VTI1A: variants seen among roughly 807,000 people sequenced by gnomAD.
VTI1A encodes the protein vesicle transport through interaction with t-SNAREs 1A.
Under a neutral mutation model 34.9 loss-of-function variants are expected in VTI1A, and 22 were observed. The ratio of observed to expected loss-of-function variants is 0.63; its 90% CI spans 0.45 to 0.90. VTI1A has a LOEUF of 0.90. VTI1A is among the 40% of genes least tolerant of loss of function. VTI1A has a pLI of 0.00. For missense variants in VTI1A, 268 were observed against 275.6 expected (o/e 0.97, Z 0.20); for synonymous variants, 87 against 97.3 (o/e 0.89, Z 0.62).
intron 4 of VTI1A, chr10:112,533,647 A>T (rs972940130): frequency 7.9e-6 from 6 of 756,582 alleles, no homozygotes; most frequent in Admixed American, 6.2e-5. Flanking sequence ...TTGTTTTTCC[A>T]GGTAAATCTA....
chr10:112,538,208 G>A lies in VTI1A; in HGVS notation c.343-38G>A, dbSNP rs201481818. On this transcript the variant is annotated intron_variant, in intron 4 of 7. Transcript: ENST00000393077. Reference sequence around the variant, plus strand: ...AGGCAAAAAAAAGAACATTGTAGACGGCCGTCTGATTTTTTTTTCCCCCTT... The same window carrying A: ...AGGCAAAAAAAAGAACATTGTAGACAGCCGTCTGATTTTTTTTTCCCCCTT... The A allele has an allele frequency of 4.3e-5, 68 of 1,575,022 alleles. No individual in the cohort carries two copies. The East Asian group carries it at 5.0e-4, about 11-fold the overall frequency.
chr10:112,684,009 C>T (rs964109349), intron 7 of VTI1A, among the ~76,000 whole-genome samples: 1 of 150,922 alleles, frequency 6.6e-6, no homozygotes, highest in Admixed American at 6.6e-5. Context: ...TGCCACTGCA[C>T]GCCAGCCTGA....
chr10:112,737,995 A>C, intron 7 of VTI1A: 2 of 603,436 alleles, frequency 3.3e-6, no homozygotes, highest in Non-Finnish European at 4.2e-6. Context: ...TCCAGAGATC[A>C]AGATGAGTGT....
chr10:112,687,793 A>C (rs1005830787), intron 7 of VTI1A, among the ~76,000 whole-genome samples: 35 of 152,044 alleles, frequency 2.3e-4, no homozygotes, highest in African/African-American at 8.2e-4. Flanking sequence ...GGCTGATTTC[A>C]TCAGCATGAC....
intron 7 of VTI1A, among the ~76,000 whole-genome samples, chr10:112,807,325 GC>G (rs1853122160): frequency 1.3e-5 from 2 of 152,194 alleles, no homozygotes; most frequent in Admixed American, 6.5e-5. Context: ...TCTCATAGTT[GC>G]GAAGACTAGA....
rs534418182 is a variant in VTI1A, at chr10:112,818,041, G to A, written c.*2658G>A. Reference sequence around the variant, plus strand: ...GTTTTAAATGATCCGTGTTGAAGGCGAATGCCTGCAAATGCAGTGGGTCTG... The same window carrying A: ...GTTTTAAATGATCCGTGTTGAAGGCAAATGCCTGCAAATGCAGTGGGTCTG... On this transcript the variant is annotated 3_prime_UTR_variant, in exon 8 of 8. Transcript: ENST00000393077. The A allele has an allele frequency of 4.7e-5, 11 of 233,256 alleles. No homozygotes were observed. Among genetic ancestry groups the A allele is most frequent in the East Asian group, 4.2e-4 (7 of 16,556 alleles). 14.4% of individuals were successfully genotyped at this position (233,256 alleles called of 1,614,324 possible).
chr10:112,598,853 A>T (rs1034784846), intron 5 of VTI1A, among the ~76,000 whole-genome samples: 1 of 152,188 alleles, frequency 6.6e-6, no homozygotes, highest in Non-Finnish European at 1.5e-5. Context: ...CTATGCATTC[A>T]TATGTGAATT....
chr10:112,618,524 T>TATAG lies in VTI1A; in HGVS notation c.428-49693_428-49692insTAGA, dbSNP rs748276058. ...ATATATATATATATATATATATATA[T>TATAG]AGAGAGAGAGAGAGAGAGAGAGAGT... On this transcript the variant is annotated intron_variant, in intron 5 of 7. Coordinates refer to ENST00000393077, the MANE Select transcript of VTI1A (RefSeq NM_145206.4). Among the ~76,000 whole-genome samples, 17 of 34,586 alleles carry TATAG rather than the reference T, an allele frequency of 4.9e-4. 1 individual carries two copies. The East Asian group carries it at 8.5e-3, about 17-fold the overall frequency. 22.7% of individuals were successfully genotyped at this position (34,586 alleles called of 152,430 possible). A position where few individuals can be genotyped will look rare whatever the true frequency, so the allele number is the denominator to read the frequency against.
chr10:112,819,233 AGG>A (rs1853606121), downstream of VTI1A, among the ~76,000 whole-genome samples: 1 of 152,120 alleles, frequency 6.6e-6, no homozygotes, highest in Non-Finnish European at 1.5e-5. Flanking sequence ...AGAATTAACT[AGG>A]AGTGATGATT....
intron 3 of VTI1A, among the ~76,000 whole-genome samples, chr10:112,471,367 A>ATTTTTTTTTT (rs576549183): frequency 1.1e-3 from 105 of 94,296 alleles, no homozygotes; most frequent in Middle Eastern, 5.6e-3. Context: ...ATTCTTATTG[A>ATTTTTTTTTT]TTTTTTTTTT....
At chr10:112,472,360 G>A (rs1402466502) in intron 3 of VTI1A, among the ~76,000 whole-genome samples, 1 of 152,138 alleles carries the variant, frequency 6.6e-6, no homozygotes, top group Non-Finnish European at 1.5e-5. Context: ...AGGCTGAATG[G>A]TCCTAGAAAT....
chr10:112,684,628 A>G (rs1005748449), intron 7 of VTI1A, among the ~76,000 whole-genome samples: 4 of 152,000 alleles, frequency 2.6e-5, no homozygotes, highest in African/African-American at 9.7e-5. Context: ...TTTAGTAGAG[A>G]TGAGGTTTCA....
chr10:112,684,152 ATATTT>A (rs1287678009), intron 7 of VTI1A, among the ~76,000 whole-genome samples: 6 of 152,224 alleles, frequency 3.9e-5, no homozygotes, highest in Admixed American at 2.6e-4. Context: ...ATTAATTGGC[ATATTT>A]TATTCCAGTT....
the VTI1A span, chr10:112,826,189 C>A: frequency 6.6e-6 from 1 of 152,148 alleles, no homozygotes. Context: ...TGCGCCTGCC[C>A]CTCCTGCTCA....
At chr10:112,447,063 A>T (rs1846845553), upstream of VTI1A, 1 of 336,664 alleles carries the variant, frequency 3.0e-6, no homozygotes, top group South Asian at 5.0e-5. Context: ...AAACGCTTCT[A>T]ATGATCCCTC....
At chr10:112,496,201 C>T (rs1029943363) in intron 3 of VTI1A, among the ~76,000 whole-genome samples, 1 of 112,346 alleles carries the variant, frequency 8.9e-6, no homozygotes, top group African/African-American at 3.2e-5. Flanking sequence ...CCCCCCCCCC[C>T]GCCGTCTCTA....
intron 7 of VTI1A, among the ~76,000 whole-genome samples, chr10:112,678,955 A>C (rs1848122155): frequency 1.3e-5 from 2 of 149,512 alleles, no homozygotes; most frequent in East Asian, 4.0e-4. Flanking sequence ...GCATCTCTGG[A>C]ATATGTGGCT....
chr10:112,813,165 T>C (rs1444561288), intron 7 of VTI1A, among the ~76,000 whole-genome samples: 2 of 152,164 alleles, frequency 1.3e-5, no homozygotes, highest in African/African-American at 4.8e-5. Flanking sequence ...CCAGGCCCTG[T>C]GGGTGCACCA....
At position 112,511,239 on chromosome 10, in the gene VTI1A, TG is replaced by T. The variant is rs1438544686; in HGVS notation, c.265-15847del. 9.2e-5 allele frequency among the ~76,000 whole-genome samples: 14 copies of T among 151,884 alleles called. No individual in the cohort carries two copies. In the East Asian group the frequency reaches 1.5e-3, roughly 17 times the overall value. The stretch of plus-strand genomic sequence containing the variant: ...AATCTGTACAAATGTATGGGATACA[TG>T]TGAGGTTTTTTTTTTTTTTTCTTTT... On this transcript the variant is annotated intron_variant, in intron 3 of 7. Transcript: ENST00000393077.
Sources: allele counts gnomAD v4.1 joint callset (sites outside exome capture counted in the v4.1 genomes callset), GRCh38; gene constraint gnomAD v4.1.1; transcripts MANE v1.5; gene names NCBI Gene and HGNC (gene_info 2026-07-23, HGNC 2026-07-21).